Variants in HDAC9 observed in about 807,000 individuals in gnomAD.
HDAC9 encodes histone deacetylase 9.
Under a neutral mutation model 139.4 loss-of-function variants are expected in HDAC9, and 41 were observed. The ratio of observed to expected loss-of-function variants is 0.29; its 90% CI spans 0.23 to 0.38. The LOEUF is 0.38. HDAC9 is among the 10% of genes least tolerant of loss of function. The pLI, the probability that HDAC9 is intolerant of heterozygous loss-of-function variation, is 1.00. For synonymous variants in HDAC9, 517 were observed against 476.2 expected (o/e 1.09, Z -1.12); for missense variants, 1,147 against 1,297.0 (o/e 0.88, Z 1.78).
At chr7:18,307,184 A>G (rs1472693375) in intron 1 of HDAC9, among the ~76,000 whole-genome samples, 7 of 149,588 alleles carry the variant, frequency 4.7e-5, no homozygotes, top group Admixed American at 2.0e-4. Context: ...TTAAAGCCAT[A>G]CCTCTCAAGT....
At chr7:18,897,788 T>C (rs1045020476) in intron 22 of HDAC9, among the ~76,000 whole-genome samples, 2 of 150,694 alleles carry the variant, frequency 1.3e-5, no homozygotes, top group Middle Eastern at 3.2e-3. Context: ...GTTTTCTCTA[T>C]CTAATTGCTC....
chr7:18,215,616 C>G (rs1343137213), intron 2 of HDAC9, among the ~76,000 whole-genome samples: 2 of 152,120 alleles, frequency 1.3e-5, no homozygotes, highest in Non-Finnish European at 2.9e-5. Context: ...CCTCAAAGAA[C>G]TTTTGGCATT....
intron 2 of HDAC9, among the ~76,000 whole-genome samples, chr7:18,253,232 A>G (rs984783019): frequency 2.0e-5 from 3 of 152,186 alleles, no homozygotes; most frequent in Non-Finnish European, 1.5e-5. Context: ...ATGTGTCTTT[A>G]TAATAGAACA....
At chr7:18,947,669 G>T (rs1472904465) in intron 23 of HDAC9, among the ~76,000 whole-genome samples, 1 of 151,804 alleles carries the variant, frequency 6.6e-6, no homozygotes, top group Non-Finnish European at 1.5e-5. Flanking sequence ...ATTCTACCAG[G>T]AATTTAAGGA....
intron 11 of HDAC9, among the ~76,000 whole-genome samples, chr7:18,656,195 T>C (rs956949470): frequency 2.6e-5 from 4 of 152,072 alleles, no homozygotes; most frequent in Admixed American, 6.6e-5. Flanking sequence ...AGTATTCCTC[T>C]TCCTGCAGGC....
chr7:18,172,667 T>C (rs1433579261), intron 2 of HDAC9, among the ~76,000 whole-genome samples: 2 of 152,218 alleles, frequency 1.3e-5, no homozygotes, highest in African/African-American at 4.8e-5. Flanking sequence ...TTCTCACTGG[T>C]TTCAAAGAAC....
intron 1 of HDAC9, among the ~76,000 whole-genome samples, chr7:18,427,959 A>T (rs1790279779): frequency 6.6e-6 from 1 of 151,998 alleles, no homozygotes; most frequent in Admixed American, 6.6e-5. Flanking sequence ...TGTTTTAGTT[A>T]CCTCATGTAA....
intron 12 of HDAC9, among the ~76,000 whole-genome samples, chr7:18,676,181 T>C (rs1311369320): frequency 6.6e-6 from 1 of 152,028 alleles, no homozygotes; most frequent in Non-Finnish European, 1.5e-5. Context: ...TCTTGTCATA[T>C]TTGCACTGGA....
chr7:18,746,289 A>G (rs916850220), intron 13 of HDAC9, among the ~76,000 whole-genome samples: 1 of 152,198 alleles, frequency 6.6e-6, no homozygotes, highest in African/African-American at 2.4e-5. Flanking sequence ...CTTCTTATAT[A>G]GTAGTAACTC....
intron 17 of HDAC9, among the ~76,000 whole-genome samples, chr7:18,817,184 G>A (rs771645881): frequency 3.4e-4 from 52 of 152,036 alleles, no homozygotes; most frequent in Non-Finnish European, 5.4e-4. Context: ...ACAGGCGCCC[G>A]CCACCACGCC....
At chr7:18,532,126 T>G (rs2128238026) in intron 2 of HDAC9, among the ~76,000 whole-genome samples, 1 of 152,276 alleles carries the variant, frequency 6.6e-6, no homozygotes, top group African/African-American at 2.4e-5. Context: ...GGTGCACACC[T>G]GTAGTCCCAG....
intron 2 of HDAC9, among the ~76,000 whole-genome samples, chr7:18,527,728 C>T (rs890462497): frequency 8.6e-5 from 13 of 151,976 alleles, no homozygotes; most frequent in African/African-American, 2.2e-4. Context: ...AATATATTCA[C>T]GTGGGATCTA....
chr7:18,476,541 A>G (rs1795124150), intron 1 of HDAC9, among the ~76,000 whole-genome samples: 1 of 151,760 alleles, frequency 6.6e-6, no homozygotes, highest in African/African-American at 2.4e-5. Flanking sequence ...ACAGCCTCAG[A>G]TGTGACCCCA....
At chr7:18,710,488 A>G (rs941007733) in intron 12 of HDAC9, among the ~76,000 whole-genome samples, 1 of 152,232 alleles carries the variant, frequency 6.6e-6, no homozygotes, top group African/African-American at 2.4e-5. Flanking sequence ...GTACAGAAAC[A>G]CACATATATG....
chr7:18,188,332 T>G (rs1038252780), intron 2 of HDAC9, among the ~76,000 whole-genome samples: 45 of 152,044 alleles, frequency 3.0e-4, no homozygotes, highest in African/African-American at 1.0e-3. Context: ...TCCTTACACC[T>G]TATACAAAAA....
intron 1 of HDAC9, among the ~76,000 whole-genome samples, chr7:18,453,366 G>T (rs1044678303): frequency 3.3e-5 from 5 of 152,150 alleles, no homozygotes; most frequent in Admixed American, 6.6e-5. Context: ...AATCCATTTA[G>T]TTAAACAGAT....
At chr7:18,544,919 C>G (rs1290024536) in intron 2 of HDAC9, among the ~76,000 whole-genome samples, 4 of 152,148 alleles carry the variant, frequency 2.6e-5, no homozygotes. Context: ...TTTTGCCCTC[C>G]AGGAAACCTT....
At chr7:18,593,286 A>G (rs1203273820) in intron 5 of HDAC9, among the ~76,000 whole-genome samples, 1 of 152,068 alleles carries the variant, frequency 6.6e-6, no homozygotes, top group Non-Finnish European at 1.5e-5. Flanking sequence ...AGTCCTATAA[A>G]CTATTCTCCA....
In HDAC9 at chr7:18,516,862, G is replaced by GAA. The variant is rs35689821; in HGVS notation, c.22+20560_22+20561dup. Among the ~76,000 whole-genome samples, 232 of 53,882 alleles carry GAA rather than the reference G, an allele frequency of 4.3e-3. 2 individuals carry two copies. The highest frequency in any genetic ancestry group is 9.6e-3 in the African/African-American group (145 of 15,164). 35.3% of individuals were successfully genotyped at this position (53,882 alleles called of 152,430 possible). A position where few individuals can be genotyped will look rare whatever the true frequency, so the allele number is the denominator to read the frequency against. ...GGTGACAGAGTCAGACTCCATTTCA[G>GAA]AAAAAAAAAAAAAAAAAAAAAAAGA... is the stretch of plus-strand genomic sequence containing the variant. On this transcript the variant is annotated intron_variant, in intron 2 of 25. Coordinates refer to ENST00000686413, the MANE Select transcript of HDAC9 (RefSeq NM_178425.4).
Sources: gnomAD v4.1 joint callset for allele counts (sites outside exome capture counted in the v4.1 genomes callset) on GRCh38, gnomAD v4.1.1 for gene constraint, MANE v1.5 for transcripts, NCBI Gene and HGNC (gene_info 2026-07-23, HGNC 2026-07-21) for gene names.